ADAMTS17: variants seen among roughly 807,000 people sequenced by gnomAD.
ADAMTS17 encodes A disintegrin and metalloproteinase with thrombospondin motifs 17.
In ADAMTS17, 113 loss-of-function variants were observed where a neutral mutation model predicts 141.5. The ratio of observed to expected loss-of-function variants is 0.80; its 90% CI spans 0.69 to 0.93. ADAMTS17 has a LOEUF of 0.93. ADAMTS17 is among the 40% of genes least tolerant of loss of function. The probability of loss-of-function intolerance (pLI) is 0.00; values close to 1 mark genes in which losing one functional copy is unlikely to be tolerated. For missense variants in ADAMTS17, 1,659 were observed against 1,517.9 expected, an observed-to-expected ratio of 1.09 and a Z score of -1.54; for synonymous variants, 768 against 630.6, an observed-to-expected ratio of 1.22 and a Z score of -3.27.
In ADAMTS17 at chr15:100,295,514, T is replaced by C. The variant is rs1442822; in HGVS notation, c.617-14113A>G. On this transcript the variant is annotated intron_variant, in intron 3 of 21. Transcript: ENST00000268070. ...CAGGACCCAGCCTCCCCATGCTCCC[T>C]CAGAGGTGCAGCCATCTAGGCACCA... 8.2e-4 allele frequency among the ~76,000 whole-genome samples: 125 copies of C among 152,260 alleles called. 4 individuals are homozygous for C. The South Asian group carries it at 0.026, about 31-fold the overall frequency.
intron 14 of ADAMTS17, 108 bp from the exon 15 acceptor site, chr15:100,096,584 T>C: frequency 1.4e-6 from 2 of 1,453,606 alleles, no homozygotes; most frequent in Non-Finnish European, 1.9e-6. Context: ...ACATGGGGCC[T>C]GGGGCCCTGA....
At chr15:100,151,355 T>C (rs2039154781) in intron 10 of ADAMTS17, among the ~76,000 whole-genome samples, 1 of 152,228 alleles carries the variant, frequency 6.6e-6, no homozygotes, top group South Asian at 2.1e-4. Flanking sequence ...ATGCTCCAAC[T>C]GCAGGTTGTG....
chr15:100,105,118 G>A (rs1349252050), intron 14 of ADAMTS17, among the ~76,000 whole-genome samples: 1 of 152,212 alleles, frequency 6.6e-6, no homozygotes, highest in Admixed American at 6.5e-5. Flanking sequence ...AGAAGTACAT[G>A]CAGGTAGGTG....
chr15:100,233,443 C>T (rs1447510139), intron 7 of ADAMTS17, among the ~76,000 whole-genome samples: 2 of 151,692 alleles, frequency 1.3e-5, no homozygotes, highest in Non-Finnish European at 2.9e-5. Flanking sequence ...AGCACTGTGT[C>T]CTGAGTCCTT....
At chr15:100,075,264 G>A (rs956768702) in intron 15 of ADAMTS17, among the ~76,000 whole-genome samples, 1 of 152,008 alleles carries the variant, frequency 6.6e-6, no homozygotes, top group Non-Finnish European at 1.5e-5. Context: ...AGTTGTTTTA[G>A]TTTTCATCCT....
At chr15:99,975,857 C>G (rs1157696631) in intron 21 of ADAMTS17, among the ~76,000 whole-genome samples, 188 bp downstream of exon 21, 1 of 134,664 alleles carries the variant, frequency 7.4e-6, no homozygotes, top group Admixed American at 7.6e-5. Context: ...AAGCAAACAC[C>G]ACTTCCATAA....
At position 100,236,595 on chromosome 15, in the gene ADAMTS17, T is replaced by G. The variant is rs570317849; in HGVS notation, c.1075+17541A>C. 2.6e-5 allele frequency among the ~76,000 whole-genome samples: 4 copies of G among 152,240 alleles called. No individual in the cohort carries two copies. In the South Asian group the frequency reaches 6.2e-4, roughly 24 times the overall value. On this transcript the variant is annotated intron_variant, in intron 7 of 21. Transcript: ENST00000268070. ...GCTCACTCCTGTAATCCCAGCAGCT[T>G]GGGAGGCTGAGACAGGAGGATCACT...
chr15:100,167,401 A>T (rs1235799152), intron 8 of ADAMTS17, among the ~76,000 whole-genome samples: 5 of 152,104 alleles, frequency 3.3e-5, no homozygotes, highest in African/African-American at 1.2e-4. Context: ...ACGTGATCTT[A>T]ATTTACACCC....
At chr15:100,185,436 A>G (rs983344349) in intron 8 of ADAMTS17, among the ~76,000 whole-genome samples, 2 of 152,158 alleles carry the variant, frequency 1.3e-5, no homozygotes, top group African/African-American at 4.8e-5. Flanking sequence ...TGTTGACCCC[A>G]TGTCACAGAA....
At chr15:100,216,672 G>C (rs2141754476) in intron 7 of ADAMTS17, among the ~76,000 whole-genome samples, 1 of 152,278 alleles carries the variant, frequency 6.6e-6, no homozygotes, top group African/African-American at 2.4e-5. Context: ...TCCTGACACA[G>C]TCTGCTGTCT....
chr15:99,984,910 T>C (rs907877009), intron 20 of ADAMTS17, among the ~76,000 whole-genome samples: 2 of 152,216 alleles, frequency 1.3e-5, no homozygotes, highest in Admixed American at 6.5e-5. Flanking sequence ...AGGCGGCTGG[T>C]TTGACAAGGG....
At chr15:100,244,281 G>A (rs2042918945) in intron 7 of ADAMTS17, among the ~76,000 whole-genome samples, 1 of 151,410 alleles carries the variant, frequency 6.6e-6, no homozygotes, top group Non-Finnish European at 1.5e-5. Context: ...AGCTAGATGA[G>A]ATTTGGGTGG....
intron 7 of ADAMTS17, among the ~76,000 whole-genome samples, chr15:100,209,374 C>G (rs1596283481): frequency 6.6e-6 from 1 of 152,186 alleles, no homozygotes; most frequent in East Asian, 1.9e-4. Context: ...TGAACGCCAG[C>G]TCCTGAGTTC....
intron 3 of ADAMTS17, among the ~76,000 whole-genome samples, chr15:100,284,002 A>C (rs1199427981): frequency 2.0e-5 from 3 of 152,166 alleles, no homozygotes; most frequent in African/African-American, 7.2e-5. Context: ...GCCACTCGGG[A>C]GGCGAGGCAG....
chr15:100,114,051 T>C (rs886407663), intron 13 of ADAMTS17, among the ~76,000 whole-genome samples: 31 of 152,192 alleles, frequency 2.0e-4, no homozygotes, highest in African/African-American at 7.0e-4. Context: ...GGCTTTTCCA[T>C]TTAGAAATAT....
intron 3 of ADAMTS17, among the ~76,000 whole-genome samples, chr15:100,315,380 G>A (rs375737043): frequency 1.1e-4 from 16 of 152,192 alleles, no homozygotes; most frequent in East Asian, 5.8e-4. Context: ...CAACACTGGT[G>A]ATCGGCCGAT....
intron 3 of ADAMTS17, among the ~76,000 whole-genome samples, chr15:100,321,463 G>A (rs1302212177): frequency 5.3e-5 from 8 of 152,146 alleles, no homozygotes; most frequent in African/African-American, 9.7e-5. Flanking sequence ...AGAAACATAC[G>A]TACATCATCA....
At chr15:100,323,986 G>C (rs1025053245) in intron 3 of ADAMTS17, among the ~76,000 whole-genome samples, 1 of 144,386 alleles carries the variant, frequency 6.9e-6, no homozygotes, top group Non-Finnish European at 1.5e-5. Context: ...GTGGAGGGGA[G>C]AACGCCATCA....
At chr15:100,148,824 AT>A (rs1438960594) in intron 10 of ADAMTS17, among the ~76,000 whole-genome samples, 3 of 151,060 alleles carry the variant, frequency 2.0e-5, no homozygotes, top group Non-Finnish European at 3.0e-5. Flanking sequence ...AGAAGCTTAT[AT>A]TAAAAAAAAA....
Sources: allele counts gnomAD v4.1 joint callset (sites outside exome capture counted in the v4.1 genomes callset), GRCh38; gene constraint gnomAD v4.1.1; transcripts MANE v1.5; gene names NCBI Gene and HGNC (gene_info 2026-07-23, HGNC 2026-07-21).